STS: variants seen among roughly 807,000 people sequenced by gnomAD.
STS encodes steryl-sulfatase.
A neutral mutation model predicts 26.8 loss-of-function variants in STS; 7 were observed. The ratio of observed to expected loss-of-function variants is 0.26; its 90% CI spans 0.15 to 0.49. The LOEUF (loss-of-function observed/expected upper bound fraction) is 0.49, where lower values mean the gene tolerates loss of function less well. Ranked by LOEUF, STS falls within the 20% of genes least tolerant of loss-of-function variation. The probability of loss-of-function intolerance (pLI) is 0.98; values close to 1 mark genes in which losing one functional copy is unlikely to be tolerated. For synonymous variants in STS, 199 were observed against 189.4 expected, an observed-to-expected ratio of 1.05 and a Z score of -0.42; for missense variants, 434 against 465.6, an observed-to-expected ratio of 0.93 and a Z score of 0.63.
intron 2 of STS, among the ~76,000 whole-genome samples, chrX:7,214,944 C>T (rs929657569): frequency 3.4e-5 from 3 of 89,151 alleles, no homozygotes; most frequent in African/African-American, 1.3e-4. Context: ...TATATATATA[C>T]ATATATACGT....
chrX:7,271,974 G>A (rs1924295130), intron 6 of STS, among the ~76,000 whole-genome samples: 1 of 109,567 alleles, frequency 9.1e-6, no homozygotes, highest in Admixed American at 9.8e-5. Flanking sequence ...AGGAGTAGGG[G>A]GTTAATAAAT....
intron 6 of STS, among the ~76,000 whole-genome samples, chrX:7,265,024 T>G (rs1162865292): frequency 3.1e-4 from 5 of 15,952 alleles, no homozygotes; most frequent in Non-Finnish European, 5.1e-4. Context: ...TTTATTCTGT[T>G]TTTTTTTTTT....
chrX:7,325,137 T>C (rs766197783), intron 8 of STS, among the ~76,000 whole-genome samples: 3 of 112,054 alleles, frequency 2.7e-5, no homozygotes, highest in Non-Finnish European at 3.8e-5. Flanking sequence ...GCTGACCATG[T>C]CACATATGGT....
intron 2 of STS, among the ~76,000 whole-genome samples, chrX:7,202,125 T>A (rs946199505): frequency 1.1e-4 from 12 of 111,862 alleles, no homozygotes; most frequent in Non-Finnish European, 2.1e-4. Context: ...TAAATATATT[T>A]AGTATCAAGA....
intron 2 of STS, among the ~76,000 whole-genome samples, chrX:7,194,656 C>T (rs1933938686): frequency 8.9e-6 from 1 of 111,746 alleles, no homozygotes; most frequent in Non-Finnish European, 1.9e-5. Context: ...CTGGCCTACC[C>T]AGAAATGAAC....
intron 7 of STS, among the ~76,000 whole-genome samples, chrX:7,291,805 G>A (rs187591669): frequency 2.3e-3 from 259 of 111,198 alleles, no homozygotes; most frequent in Non-Finnish European, 4.5e-3. Context: ...TTATTCTAAG[G>A]TAAGACAATA....
chrX:7,276,720 C>T (rs1471275574), intron 7 of STS, among the ~76,000 whole-genome samples: 3 of 112,078 alleles, frequency 2.7e-5, no homozygotes, highest in Middle Eastern at 4.2e-3. Flanking sequence ...TGGCGAGGCT[C>T]TCAGGGCAAC....
chrX:7,207,336 C>T (rs942433071), intron 2 of STS, among the ~76,000 whole-genome samples: 4 of 112,151 alleles, frequency 3.6e-5, no homozygotes, highest in Non-Finnish European at 5.6e-5. Flanking sequence ...TTTGCATTGC[C>T]GACATGAATT....
At chrX:7,170,013 G>A (rs1933435454) in intron 1 of STS, among the ~76,000 whole-genome samples, 1 of 111,230 alleles carries the variant, frequency 9.0e-6, no homozygotes, top group Admixed American at 9.6e-5. Context: ...GGAATTTACA[G>A]AACATATAGG....
In STS at chrX:7,350,087, C is replaced by T. The variant is rs755685876; in HGVS notation, c.1563C>T (p.Ile521=). The T allele has an allele frequency of 5.0e-6, 6 of 1,212,013 alleles. No homozygotes were observed. Among genetic ancestry groups the T allele is most frequent in the Non-Finnish European group, 4.5e-6 (4 of 895,486 alleles). The change falls in exon 11 of 11, where the codon ATC becomes ATT. Residue 521 remains isoleucine, a synonymous_variant. Coordinates refer to ENST00000674429, the MANE Select transcript of STS (RefSeq NM_001320752.2). ...TPASEPRFYE[I]LKVMQEAADR... is the part of the protein sequence containing the mutation. ...CATCCGAGCCCCGGTTTTATGAAAT[C>T]CTCAAAGTCATGCAGGAAGCTGCGG...
chrX:7,290,912 A>C (rs1173479243), intron 7 of STS, among the ~76,000 whole-genome samples: 1 of 111,770 alleles, frequency 8.9e-6, no homozygotes, highest in Non-Finnish European at 1.9e-5. Context: ...CTTTTGTTGC[A>C]TCACAGCGTC....
intron 1 of STS, among the ~76,000 whole-genome samples, chrX:7,188,144 T>A (rs1023704026): frequency 1.8e-5 from 2 of 112,028 alleles, no homozygotes; most frequent in East Asian, 5.6e-4. Flanking sequence ...ATCACCATAG[T>A]TACTAGGTGC....
chrX:7,255,697 A>G (rs1181419322), intron 3 of STS, among the ~76,000 whole-genome samples: 1 of 112,263 alleles, frequency 8.9e-6, no homozygotes, highest in African/African-American at 3.2e-5. Context: ...AGGCCACTAT[A>G]GACACTAGGA....
At chrX:7,288,856 C>A (rs1014529825) in intron 7 of STS, among the ~76,000 whole-genome samples, 1 of 111,540 alleles carries the variant, frequency 9.0e-6, no homozygotes, top group Non-Finnish European at 1.9e-5. Flanking sequence ...TCTGCAAGGG[C>A]TATGCAGAGG....
At chrX:7,225,733 A>G (rs1012117293) in intron 2 of STS, among the ~76,000 whole-genome samples, 1 of 111,889 alleles carries the variant, frequency 8.9e-6, no homozygotes, top group Admixed American at 9.5e-5. Context: ...TCTAATTCCC[A>G]ATTGCCAACC....
intron 6 of STS, among the ~76,000 whole-genome samples, chrX:7,273,251 C>A (rs1924373581): frequency 1.8e-5 from 2 of 111,451 alleles, no homozygotes; most frequent in South Asian, 7.6e-4. Context: ...CTTTTCTGAG[C>A]CCCAACAGGG....
At chrX:7,277,435 T>C (rs1924594884) in intron 7 of STS, among the ~76,000 whole-genome samples, 1 of 111,836 alleles carries the variant, frequency 8.9e-6, no homozygotes, top group African/African-American at 3.2e-5. Flanking sequence ...GGTCACCTAC[T>C]GTGGTGATTG....
At chrX:7,304,007 A>G (rs941509009) in intron 7 of STS, among the ~76,000 whole-genome samples, 1 of 110,229 alleles carries the variant, frequency 9.1e-6, no homozygotes, top group African/African-American at 3.3e-5. Context: ...GTTCCTCACC[A>G]CCTCCATTTC....
At chrX:7,263,853 T>C (rs1426528956) in intron 6 of STS, among the ~76,000 whole-genome samples, 1 of 111,588 alleles carries the variant, frequency 9.0e-6, no homozygotes, top group Admixed American at 9.6e-5. Flanking sequence ...TTTACACACA[T>C]ATGTATTTAA....
Sources: allele counts gnomAD v4.1 joint callset (sites outside exome capture counted in the v4.1 genomes callset), GRCh38; gene constraint gnomAD v4.1.1; transcripts MANE v1.5; gene names NCBI Gene and HGNC (gene_info 2026-07-23, HGNC 2026-07-21).